The following PHF14 variants were observed in gnomAD, a reference collection of about 807,000 sequenced individuals.
PHF14 encodes the protein PHD finger protein 14.
In PHF14, 55 loss-of-function variants were observed where a neutral mutation model predicts 117.9. The ratio of observed to expected loss-of-function variants is 0.47; its 90% CI spans 0.38 to 0.58. The LOEUF is 0.58. Among genes scored for constraint, PHF14 ranks in the 20% least tolerant of loss-of-function variants. PHF14 has a pLI of 0.00. For missense variants in PHF14, 978 were observed against 1,122.2 expected, an observed-to-expected ratio of 0.87 and a Z score of 1.84; for synonymous variants, 409 against 368.6, an observed-to-expected ratio of 1.11 and a Z score of -1.26.
At chr7:11,046,177 TTTG>T (rs1210972690) in intron 13 of PHF14, among the ~76,000 whole-genome samples, 1 of 152,180 alleles carries the variant, frequency 6.6e-6, no homozygotes, top group East Asian at 1.9e-4. Context: ...TATTTTGATT[TTTG>T]TTGTTGTTTT....
chr7:11,066,481 C>G (rs1583429790), intron 16 of PHF14, among the ~76,000 whole-genome samples: 1 of 152,170 alleles, frequency 6.6e-6, no homozygotes, highest in East Asian at 1.9e-4. Context: ...TATTTCCTAT[C>G]TAATAATTCT....
intron 4 of PHF14, among the ~76,000 whole-genome samples, chr7:11,010,155 A>AT (rs763150656): frequency 6.6e-6 from 1 of 152,070 alleles, no homozygotes; most frequent in African/African-American, 2.4e-5. Context: ...TAAAATATAT[A>AT]TTTTTTCCCA....
rs535678418 is a variant in PHF14 at position 10,984,836 on chromosome 7, C to A, written c.900+1677C>A. 9.9e-5 allele frequency among the ~76,000 whole-genome samples: 15 copies of A among 152,134 alleles called. No individual in the cohort carries two copies. In the East Asian group the frequency reaches 2.9e-3, roughly 29 times the overall value. The stretch of plus-strand genomic sequence containing the variant: ...GTGTTGGTTGTTTAGTTTTTTTTCC[C>A]CACTAGAAGACACTTTAGTAAATAA... On this transcript the variant is annotated intron_variant, in intron 3 of 17. Coordinates refer to ENST00000634607, the MANE Select transcript of PHF14 (RefSeq NM_001007157.2).
At chr7:11,022,774 A>G in intron 5 of PHF14, 94 bp from the exon 6 acceptor site, 1 of 559,208 alleles carries the variant, frequency 1.8e-6, no homozygotes, top group Non-Finnish European at 3.1e-6. Context: ...TTCTCTTGGT[A>G]GTATTTTGAG....
At chr7:11,003,524 A>G (rs1782956759) in intron 4 of PHF14, among the ~76,000 whole-genome samples, 1 of 152,212 alleles carries the variant, frequency 6.6e-6, no homozygotes, top group Non-Finnish European at 1.5e-5. Context: ...ATATGTTGTT[A>G]TGGGATACAT....
intron 4 of PHF14, among the ~76,000 whole-genome samples, chr7:11,010,904 C>T (rs1783331892): frequency 6.6e-6 from 1 of 152,204 alleles, no homozygotes; most frequent in Non-Finnish European, 1.5e-5. Flanking sequence ...ATCATCCTGC[C>T]TCAGCCTCCC....
chr7:11,142,730 C>G (rs1408428054), intron 17 of PHF14, among the ~76,000 whole-genome samples: 2 of 152,028 alleles, frequency 1.3e-5, no homozygotes, highest in Non-Finnish European at 2.9e-5. Context: ...TGTTCACTAT[C>G]CAAGATTTTC....
intron 14 of PHF14, among the ~76,000 whole-genome samples, chr7:11,058,243 C>T (rs904303906): frequency 1.3e-5 from 2 of 152,068 alleles, no homozygotes; most frequent in South Asian, 2.1e-4. Context: ...AACTTATTTT[C>T]GTTTTTCTTG....
intron 16 of PHF14, chr7:11,109,594 G>A (rs1363885144): frequency 2.0e-5 from 3 of 151,702 alleles, no homozygotes; most frequent in Non-Finnish European, 4.4e-5. Flanking sequence ...AGGTTTAATC[G>A]AAATTTTGGC....
intron 13 of PHF14, among the ~76,000 whole-genome samples, chr7:11,047,257 A>G (rs1014602254): frequency 1.3e-5 from 2 of 151,800 alleles, no homozygotes; most frequent in African/African-American, 4.8e-5. Context: ...TTTAGTAGAG[A>G]TGGGGTTTCA....
chr7:11,114,150 C>T (rs550631603), intron 17 of PHF14, among the ~76,000 whole-genome samples: 12 of 152,186 alleles, frequency 7.9e-5, no homozygotes, highest in South Asian at 6.2e-4. Flanking sequence ...TCTTTCTCTG[C>T]GGTAGTCATG....
At chr7:11,071,883 A>G (rs1044795291) in intron 16 of PHF14, among the ~76,000 whole-genome samples, 4 of 152,246 alleles carry the variant, frequency 2.6e-5, no homozygotes, top group African/African-American at 9.6e-5. Context: ...TCAACTCAGT[A>G]CTTTTAATTT....
At chr7:11,144,084 G>T (rs1434385946) in intron 17 of PHF14, among the ~76,000 whole-genome samples, 1 of 152,002 alleles carries the variant, frequency 6.6e-6, no homozygotes, top group Non-Finnish European at 1.5e-5. Context: ...TTTCTCAAAA[G>T]TCATACAAGC....
intron 16 of PHF14, 64 bp from the exon 17 acceptor site, chr7:11,111,286 T>G: frequency 2.7e-6 from 2 of 747,970 alleles, no homozygotes; most frequent in Non-Finnish European, 4.5e-6. Flanking sequence ...TTTTGTCTTT[T>G]CATGAAGTAG....
chr7:10,990,596 T>A (rs1782415102), intron 3 of PHF14, 107 bp from the exon 4 acceptor site: 1 of 641,196 alleles, frequency 1.6e-6, no homozygotes, highest in East Asian at 2.8e-5. Context: ...GGGGCATACA[T>A]TTGGAAATGC....
At chr7:11,168,882 TTA>T (rs1789286956) in intron 17 of PHF14, among the ~76,000 whole-genome samples, 1 of 152,154 alleles carries the variant, frequency 6.6e-6, no homozygotes, top group Non-Finnish European at 1.5e-5. Flanking sequence ...CTGCTATGAA[TTA>T]TGAGGCCACC....
rs1452838372 is a variant in PHF14 at position 11,127,244 on chromosome 7, C to T, written c.2772+15777C>T. On this transcript the variant is annotated intron_variant, in intron 17 of 17. Coordinates refer to ENST00000634607, the MANE Select transcript of PHF14 (RefSeq NM_001007157.2). Reference sequence around the variant, plus strand: ...TTCTAGATTTTGATTCTTGCCCCTCCTTTTTTTTTTTTGACTCATTGCTAG... The same window carrying T: ...TTCTAGATTTTGATTCTTGCCCCTCTTTTTTTTTTTTTGACTCATTGCTAG... Among the ~76,000 whole-genome samples the T allele has an allele frequency of 4.1e-5, 6 of 145,148 alleles. No homozygotes were observed. The East Asian group carries it at 6.0e-4, about 15-fold the overall frequency.
chr7:11,088,414 A>ACACGCACG (rs1554270420), intron 16 of PHF14, among the ~76,000 whole-genome samples: 1 of 127,800 alleles, frequency 7.8e-6, no homozygotes, highest in African/African-American at 2.8e-5. Flanking sequence ...ACACACACAC[A>ACACGCACG]CACGCACACA....
At position 10,984,172 on chromosome 7, in the gene PHF14, C is replaced by G. The variant is rs569831363; in HGVS notation, c.900+1013C>G. Among the ~76,000 whole-genome samples the G allele has an allele frequency of 3.4e-4, 51 of 152,180 alleles. 1 individual carries two copies. The highest frequency in any genetic ancestry group is 1.2e-3 in the African/African-American group (50 of 41,548). Reference sequence around the variant, plus strand: ...TCCTCTTATGCTTTATTTGTTCTTTCACATTTTTCTGCCTACAAGTTTTAC... The same window carrying G: ...TCCTCTTATGCTTTATTTGTTCTTTGACATTTTTCTGCCTACAAGTTTTAC... On this transcript the variant is annotated intron_variant, in intron 3 of 17. Transcript: ENST00000634607.
Sources: gnomAD v4.1 joint callset for allele counts (sites outside exome capture counted in the v4.1 genomes callset) on GRCh38, gnomAD v4.1.1 for gene constraint, MANE v1.5 for transcripts, NCBI Gene and HGNC (gene_info 2026-07-23, HGNC 2026-07-21) for gene names.